The following KCNH7 variants were observed in gnomAD, a reference collection of about 807,000 sequenced individuals.
KCNH7 encodes potassium voltage-gated channel subfamily H member 7, also known as voltage-gated inwardly rectifying potassium channel KCNH7.
KCNH7 carries 49 observed loss-of-function variants against 120.8 expected under a neutral mutation model. The ratio of observed to expected loss-of-function variants is 0.41; its 90% CI spans 0.32 to 0.51. KCNH7 has a LOEUF of 0.51. Among genes scored for constraint, KCNH7 ranks in the 20% least tolerant of loss-of-function variants. The pLI is 0.38. For missense variants in KCNH7, 1,097 were observed against 1,446.6 expected (o/e 0.76, Z 3.92); for synonymous variants, 547 against 516.1 (o/e 1.06, Z -0.81).
intron 7 of KCNH7, among the ~76,000 whole-genome samples, chr2:162,437,818 T>C (rs1390594347): frequency 6.6e-6 from 1 of 152,134 alleles, no homozygotes; most frequent in East Asian, 1.9e-4. Context: ...ACGCAATACT[T>C]AGATATCTGG....
At chr2:162,765,596 T>C (rs1216942068) in intron 2 of KCNH7, among the ~76,000 whole-genome samples, 1 of 152,172 alleles carries the variant, frequency 6.6e-6, no homozygotes, top group Non-Finnish European at 1.5e-5. Flanking sequence ...ACAAAAAATG[T>C]TTATTGAATT....
intron 2 of KCNH7, among the ~76,000 whole-genome samples, chr2:162,587,711 C>CA (rs201599425): frequency 2.5e-3 from 371 of 151,400 alleles, no homozygotes; most frequent in Non-Finnish European, 3.9e-3. Context: ...TAAAAAGCAA[C>CA]AAAAAAAAGC....
At chr2:162,533,546 A>G (rs1444110942) in intron 3 of KCNH7, among the ~76,000 whole-genome samples, 1 of 151,720 alleles carries the variant, frequency 6.6e-6, no homozygotes, top group East Asian at 1.9e-4. Context: ...AGTAGAATTT[A>G]GGGGGAAAAT....
At chr2:162,553,258 C>T (rs1016810462) in intron 2 of KCNH7, among the ~76,000 whole-genome samples, 1 of 152,102 alleles carries the variant, frequency 6.6e-6, no homozygotes, top group Non-Finnish European at 1.5e-5. Flanking sequence ...GGAAGTAATA[C>T]AGCTGATATT....
intron 2 of KCNH7, among the ~76,000 whole-genome samples, chr2:162,762,787 C>T (rs1689012141): frequency 1.3e-5 from 2 of 151,958 alleles, no homozygotes; most frequent in Admixed American, 6.6e-5. Flanking sequence ...TGTCATGAGA[C>T]ATAAAGTTAT....
intron 2 of KCNH7, among the ~76,000 whole-genome samples, chr2:162,769,550 G>C (rs1434997): frequency 0.28 from 42,498 of 151,782 alleles, 6,902 homozygotes; most frequent in African/African-American, 0.45. Context: ...CTAAGGAAAG[G>C]CCATCTCCAA....
chr2:162,725,733 T>A (rs961956943), intron 2 of KCNH7, among the ~76,000 whole-genome samples: 1 of 152,154 alleles, frequency 6.6e-6, no homozygotes, highest in Non-Finnish European at 1.5e-5. Context: ...TTATGAAACT[T>A]TTTTGTTGTG....
intron 3 of KCNH7, among the ~76,000 whole-genome samples, chr2:162,531,402 G>A (rs904401431): frequency 6.6e-6 from 1 of 151,902 alleles, no homozygotes; most frequent in African/African-American, 2.4e-5. Flanking sequence ...GACCATGAAA[G>A]ACAACTATTC....
intron 2 of KCNH7, among the ~76,000 whole-genome samples, chr2:162,638,303 T>C (rs779339315): frequency 2.6e-5 from 4 of 152,126 alleles, no homozygotes; most frequent in Non-Finnish European, 5.9e-5. Flanking sequence ...TAATCATCAG[T>C]TGCATTTTTT....
intron 2 of KCNH7, among the ~76,000 whole-genome samples, chr2:162,759,540 A>G (rs547425931): frequency 6.6e-6 from 1 of 152,046 alleles, no homozygotes; most frequent in Non-Finnish European, 1.5e-5. Flanking sequence ...CTACAACTCA[A>G]GAATAGTAAG....
chr2:162,747,911 T>C (rs1688369639), intron 2 of KCNH7, among the ~76,000 whole-genome samples: 1 of 152,192 alleles, frequency 6.6e-6, no homozygotes, highest in South Asian at 2.1e-4. Flanking sequence ...GTGCCTACCT[T>C]CACTACGAGC....
chr2:162,615,816 A>G (rs886874810), intron 2 of KCNH7, among the ~76,000 whole-genome samples: 4 of 152,306 alleles, frequency 2.6e-5, no homozygotes, highest in African/African-American at 9.6e-5. Flanking sequence ...GAATGTAATT[A>G]TAATTATGAA....
At chr2:162,673,322 A>G (rs1685425115) in intron 2 of KCNH7, among the ~76,000 whole-genome samples, 1 of 152,124 alleles carries the variant, frequency 6.6e-6, no homozygotes, top group South Asian at 2.1e-4. Context: ...AATCATATCT[A>G]GCAATGTATG....
intron 2 of KCNH7, among the ~76,000 whole-genome samples, chr2:162,813,240 G>A (rs3912910): frequency 0.58 from 87,878 of 151,794 alleles, 27,010 homozygotes; most frequent in South Asian, 0.84. Flanking sequence ...GCCCAGGAAT[G>A]GTCAACCCAC....
At chr2:162,514,068 T>C (rs1691201462) in intron 4 of KCNH7, among the ~76,000 whole-genome samples, 1 of 151,782 alleles carries the variant, frequency 6.6e-6, no homozygotes, top group East Asian at 2.0e-4. Flanking sequence ...ATTTGAAAAA[T>C]CTGTTCAGCA....
intron 2 of KCNH7, among the ~76,000 whole-genome samples, chr2:162,812,949 C>A (rs1684788066): frequency 6.6e-6 from 1 of 151,860 alleles, no homozygotes; most frequent in African/African-American, 2.4e-5. Flanking sequence ...ATTCCTGGAA[C>A]TTGAGGATGA....
At chr2:162,421,921 T>C (rs904653317) in intron 9 of KCNH7, among the ~76,000 whole-genome samples, 3 of 152,184 alleles carry the variant, frequency 2.0e-5, no homozygotes, top group Non-Finnish European at 4.4e-5. Context: ...TTCTTGACAC[T>C]GCTTCAGCCA....
chr2:162,729,603 C>A (rs956897164), intron 2 of KCNH7, among the ~76,000 whole-genome samples: 2 of 151,950 alleles, frequency 1.3e-5, no homozygotes, highest in Non-Finnish European at 1.5e-5. Flanking sequence ...ACTTTCCAAC[C>A]TGCATACTTT....
chr2:162,549,570 T>G lies in KCNH7; in HGVS notation c.308-12490A>C, dbSNP rs528733113. Among the ~76,000 whole-genome samples, 6 of 152,310 alleles carry G rather than the reference T, an allele frequency of 3.9e-5. No homozygotes were observed. In the South Asian group the frequency reaches 1.2e-3, roughly 32 times the overall value. ...ACTATGGTAAGCCACTGGGAGAGACTTTTTGATGTCAGTGGAGACTTTTTA... is the reference window on the plus strand; with the variant it reads ...ACTATGGTAAGCCACTGGGAGAGACGTTTTGATGTCAGTGGAGACTTTTTA... On this transcript the variant is annotated intron_variant, in intron 2 of 15. Transcript: ENST00000332142.
Sources: allele counts gnomAD v4.1 joint callset (sites outside exome capture counted in the v4.1 genomes callset), GRCh38; gene constraint gnomAD v4.1.1; transcripts MANE v1.5; gene names NCBI Gene and HGNC (gene_info 2026-07-23, HGNC 2026-07-21).